Variants in CSNK1G3 observed in about 807,000 individuals in gnomAD.
The protein encoded by CSNK1G3 is casein kinase I isoform gamma-3.
Under a neutral mutation model 64.3 loss-of-function variants are expected in CSNK1G3, and 23 were observed. That is an observed-to-expected ratio of 0.36 (90% CI 0.26 to 0.51). The LOEUF (loss-of-function observed/expected upper bound fraction) is 0.51, where lower values mean the gene tolerates loss of function less well. Ranked by LOEUF, CSNK1G3 falls within the 20% of genes least tolerant of loss-of-function variation. The pLI is 0.96. For missense variants in CSNK1G3, 357 were observed against 510.5 expected, an observed-to-expected ratio of 0.70 and a Z score of 2.90; for synonymous variants, 158 against 162.2, an observed-to-expected ratio of 0.97 and a Z score of 0.20.
intron 4 of CSNK1G3, among the ~76,000 whole-genome samples, chr5:123,564,588 G>T (rs550443736): frequency 6.6e-6 from 1 of 151,960 alleles, no homozygotes; most frequent in Non-Finnish European, 1.5e-5. Context: ...GGCCCAAATT[G>T]GATAACAACT....
chr5:123,549,673 C>T (rs1783265297), intron 2 of CSNK1G3, among the ~76,000 whole-genome samples: 1 of 152,202 alleles, frequency 6.6e-6, no homozygotes, highest in Admixed American at 6.5e-5. Context: ...TGTTTTTCTG[C>T]CACCTAACCA....
At chr5:123,596,094 T>A (rs537215765) in intron 10 of CSNK1G3, among the ~76,000 whole-genome samples, 2 of 152,210 alleles carry the variant, frequency 1.3e-5, no homozygotes, top group South Asian at 4.1e-4. Context: ...TCTTTCTTGA[T>A]TTGAGTTCTA....
chr5:123,604,738 A>T (rs1312415940), exon 11 of CSNK1G3: 1 of 1,610,588 alleles, frequency 6.2e-7, no homozygotes, highest in South Asian at 1.1e-5. Context: ...TAAGTTCTAC[A>T]AATGGAGAGT....
chr5:123,568,863 T>C (rs1787492154), intron 4 of CSNK1G3, among the ~76,000 whole-genome samples: 1 of 152,226 alleles, frequency 6.6e-6, no homozygotes, highest in Non-Finnish European at 1.5e-5. Flanking sequence ...TTGTCTAACA[T>C]CATTTCCATA....
rs563238764 is a variant in CSNK1G3, at chr5:123,546,369, A to G, written c.178+528A>G. 8.9e-4 allele frequency among the ~76,000 whole-genome samples: 135 copies of G among 152,214 alleles called. 1 individual carries two copies. The highest frequency in any genetic ancestry group is 1.6e-3 in the Non-Finnish European group (111 of 67,998). ...ATATTCTTAACAAGGGGCTCAGAGT[A>G]TTGATTCAGGTTATTATAATTAGGC... On this transcript the variant is annotated intron_variant, in intron 2 of 12. Transcript: ENST00000345990.
intron 2 of CSNK1G3, among the ~76,000 whole-genome samples, chr5:123,547,451 G>C (rs1023177298): frequency 6.6e-6 from 1 of 150,462 alleles, no homozygotes; most frequent in Non-Finnish European, 1.5e-5. Context: ...GTATGTGTCT[G>C]TGTGTGTGTG....
chr5:123,554,798 T>C (rs752011586), intron 3 of CSNK1G3, among the ~76,000 whole-genome samples: 23 of 152,212 alleles, frequency 1.5e-4, no homozygotes, highest in Non-Finnish European at 2.8e-4. Flanking sequence ...AGTGGGCAGC[T>C]CTACTCATGG....
chr5:123,607,363 A>AT (rs1173743443), intron 12 of CSNK1G3, among the ~76,000 whole-genome samples: 1 of 152,206 alleles, frequency 6.6e-6, no homozygotes, highest in African/African-American at 2.4e-5. Context: ...TCATCCTCAG[A>AT]TTCCTAGTGG....
At chr5:123,522,999 T>A (rs1778394778) in intron 1 of CSNK1G3, among the ~76,000 whole-genome samples, 1 of 152,178 alleles carries the variant, frequency 6.6e-6, no homozygotes, top group Non-Finnish European at 1.5e-5. Flanking sequence ...AAAGTTATTA[T>A]AAATTATAAG....
intron 1 of CSNK1G3, among the ~76,000 whole-genome samples, chr5:123,532,784 T>G (rs1780140144): frequency 6.6e-6 from 1 of 151,918 alleles, no homozygotes; most frequent in Admixed American, 6.6e-5. Context: ...ACTCGTTTGT[T>G]GATAGTAGAA....
intron 1 of CSNK1G3, among the ~76,000 whole-genome samples, chr5:123,536,947 C>T (rs1018246439): frequency 6.6e-6 from 1 of 151,948 alleles, no homozygotes; most frequent in Non-Finnish European, 1.5e-5. Flanking sequence ...CAGATGTTGG[C>T]GAGGATACAG....
At chr5:123,574,523 A>C (rs987009327) in intron 5 of CSNK1G3, among the ~76,000 whole-genome samples, 4 of 152,300 alleles carry the variant, frequency 2.6e-5, no homozygotes, top group Middle Eastern at 3.4e-3. Context: ...AGTGCATATT[A>C]AAGATTGTTT....
At chr5:123,519,465 C>G (rs1338809082) in intron 1 of CSNK1G3, among the ~76,000 whole-genome samples, 1 of 152,204 alleles carries the variant, frequency 6.6e-6, no homozygotes, top group Admixed American at 6.5e-5. Flanking sequence ...CTATGAAACT[C>G]ATGAAGCCAT....
chr5:123,606,476 TG>T (rs1795385976), intron 12 of CSNK1G3, among the ~76,000 whole-genome samples: 1 of 152,162 alleles, frequency 6.6e-6, no homozygotes, highest in Admixed American at 6.6e-5. Flanking sequence ...GCCACTTATT[TG>T]TTACCTTCAA....
intron 6 of CSNK1G3, among the ~76,000 whole-genome samples, chr5:123,582,415 A>G (rs2150853056): frequency 6.6e-6 from 1 of 152,248 alleles, no homozygotes; most frequent in South Asian, 2.1e-4. Context: ...GGGATTACAA[A>G]TAACTGTTTT....
At chr5:123,520,247 A>G (rs553466905) in intron 1 of CSNK1G3, among the ~76,000 whole-genome samples, 1 of 152,334 alleles carries the variant, frequency 6.6e-6, no homozygotes, top group South Asian at 2.1e-4. Flanking sequence ...TGAAAGGAAT[A>G]TATATGTGCA....
chr5:123,564,246 G>A (rs1786372284), intron 4 of CSNK1G3, among the ~76,000 whole-genome samples: 1 of 151,954 alleles, frequency 6.6e-6, no homozygotes, highest in African/African-American at 2.4e-5. Context: ...ACTGATAGTG[G>A]TTTTAGTTTG....
intron 3 of CSNK1G3, among the ~76,000 whole-genome samples, chr5:123,556,614 A>C (rs1368500751): frequency 6.6e-6 from 1 of 151,880 alleles, no homozygotes; most frequent in African/African-American, 2.4e-5. Context: ...AGTTCTATTG[A>C]TTCTTTTTGA....
intron 10 of CSNK1G3, among the ~76,000 whole-genome samples, chr5:123,597,590 C>T (rs1406222086): frequency 6.6e-6 from 1 of 152,014 alleles, no homozygotes; most frequent in Non-Finnish European, 1.5e-5. Context: ...CCATTTTTGA[C>T]CTATAGAAAG....
Sources: allele counts gnomAD v4.1 joint callset (sites outside exome capture counted in the v4.1 genomes callset), GRCh38; gene constraint gnomAD v4.1.1; transcripts MANE v1.5; gene names NCBI Gene and HGNC (gene_info 2026-07-23, HGNC 2026-07-21).